Variants in ATP11C observed in about 807,000 individuals in gnomAD.
ATP11C encodes phospholipid-transporting ATPase IG.
A neutral mutation model predicts 97.4 loss-of-function variants in ATP11C; 36 were observed. The ratio of observed to expected loss-of-function variants is 0.37; its 90% CI spans 0.28 to 0.49. The LOEUF is 0.49. Ranked by LOEUF, ATP11C falls within the 20% of genes least tolerant of loss-of-function variation. The probability of loss-of-function intolerance (pLI) is 0.98; values close to 1 mark genes in which losing one functional copy is unlikely to be tolerated. For missense variants in ATP11C, 730 were observed against 824.6 expected, an observed-to-expected ratio of 0.89 and a Z score of 1.40; for synonymous variants, 275 against 290.9, an observed-to-expected ratio of 0.95 and a Z score of 0.56.
chrX:139,784,488 A>T lies in ATP11C; in HGVS notation c.1666+738T>A, dbSNP rs2082532304. On this transcript the variant is annotated intron_variant, in intron 16 of 29. Transcript: ENST00000682941. ...AGTAAAACGTAAATTACTGGGAAAT[A>T]AATCAAAAATTTTTAGAAAACAAAC... 3.6e-5 allele frequency among the ~76,000 whole-genome samples: 4 copies of T among 111,456 alleles called. No individual in the cohort carries two copies. The Admixed American group carries it at 3.8e-4, about 11-fold the overall frequency.
intron 19 of ATP11C, 109 bp downstream of exon 19, chrX:139,774,581 C>A (rs2082313663): frequency 2.9e-6 from 2 of 701,448 alleles, no homozygotes; most frequent in South Asian, 6.2e-5. Flanking sequence ...GGATAAAACA[C>A]CTGCAAACAG....
intron 29 of ATP11C, among the ~76,000 whole-genome samples, chrX:139,730,029 T>A (rs937939454): frequency 4.5e-5 from 5 of 111,889 alleles, no homozygotes; most frequent in African/African-American, 1.6e-4. Flanking sequence ...AGTTAGGTAG[T>A]TTCCTTACCA....
At position 139,869,886 on chromosome X, in the gene ATP11C, CAAAAAAA is replaced by C. The variant is rs59723137; in HGVS notation, c.28-43070_28-43064del. ...GAGATAATAAGTAAAACTAGACTGG[CAAAAAAA>C]AAAAAAAAAAAGGAAATGTGATATA... On this transcript the variant is annotated intron_variant, in intron 1 of 29. Coordinates refer to ENST00000682941, the MANE Select transcript of ATP11C (RefSeq NM_001353812.2). Among the ~76,000 whole-genome samples the C allele has an allele frequency of 1.7e-4, 7 of 42,227 alleles. No individual in the cohort carries two copies. The East Asian group carries it at 3.5e-3, about 21-fold the overall frequency. 36.7% of individuals were successfully genotyped at this position (42,227 alleles called of 115,157 possible).
At chrX:139,832,012 G>T in intron 1 of ATP11C, 1 of 607,560 alleles carries the variant, frequency 1.6e-6, no homozygotes, top group Non-Finnish European at 2.5e-6. Flanking sequence ...CAGTGAGGCT[G>T]AAAATCCAGC....
Position 139,744,115 on chromosome X carries a change from CA to C in ATP11C, c.2965-492del, listed in dbSNP as rs999438832. On this transcript the variant is annotated intron_variant, in intron 25 of 29. Transcript: ENST00000682941. ...ACAAGAGCTATCAGCATGTGCACATCAAAAAAAAAAGCAGATACCATGTATA... is the reference window on the plus strand; with the variant it reads ...ACAAGAGCTATCAGCATGTGCACATCAAAAAAAAAGCAGATACCATGTATA... Among the ~76,000 whole-genome samples, 434 of 100,676 alleles carry C rather than the reference CA, an allele frequency of 4.3e-3. 1 individual carries two copies. The highest frequency in any genetic ancestry group is 0.014 in the African/African-American group (392 of 27,844). 87.4% of individuals were successfully genotyped at this position (100,676 alleles called of 115,157 possible).
At chrX:139,875,489 T>G (rs1024503724) in intron 1 of ATP11C, among the ~76,000 whole-genome samples, 18 of 108,526 alleles carry the variant, frequency 1.7e-4, no homozygotes, top group Admixed American at 6.9e-4. Context: ...TCTTAGCTAC[T>G]CGGAGGCTGA....
upstream of ATP11C, among the ~76,000 whole-genome samples, chrX:139,935,052 T>C (rs937555824): frequency 1.2e-4 from 13 of 112,252 alleles, no homozygotes; most frequent in Non-Finnish European, 2.4e-4. Flanking sequence ...TTTAGACATT[T>C]GGGGATACAA....
intron 1 of ATP11C, among the ~76,000 whole-genome samples, chrX:139,844,825 T>TC (rs2083887036): frequency 9.0e-6 from 1 of 111,575 alleles, no homozygotes; most frequent in Non-Finnish European, 1.9e-5. Context: ...CTATCTCAGT[T>TC]CCCCCTCTCT....
intron 1 of ATP11C, among the ~76,000 whole-genome samples, chrX:139,906,878 T>C (rs35459714): frequency 1.8e-5 from 2 of 111,232 alleles, no homozygotes; most frequent in Non-Finnish European, 3.8e-5. Context: ...AATGGTGTCT[T>C]TCCACGCTAA....
intron 1 of ATP11C, among the ~76,000 whole-genome samples, chrX:139,850,336 C>T (rs2083970356): frequency 9.0e-6 from 1 of 111,299 alleles, no homozygotes; most frequent in East Asian, 2.8e-4. Flanking sequence ...TTGGTATAAA[C>T]ATGGACATAA....
At chrX:139,820,503 T>C (rs1394665886) in intron 2 of ATP11C, among the ~76,000 whole-genome samples, 1 of 111,375 alleles carries the variant, frequency 9.0e-6, no homozygotes, top group East Asian at 2.8e-4. Context: ...TTGATGATCA[T>C]AACAGATACC....
intron 1 of ATP11C, among the ~76,000 whole-genome samples, chrX:139,855,436 G>C (rs1398259024): frequency 9.0e-6 from 1 of 111,324 alleles, no homozygotes; most frequent in Non-Finnish European, 1.9e-5. Context: ...GAAAACTCGA[G>C]CCAGCCTGGG....
chrX:139,889,727 T>C (rs751230636), intron 1 of ATP11C, among the ~76,000 whole-genome samples: 2 of 112,209 alleles, frequency 1.8e-5, no homozygotes, highest in South Asian at 7.5e-4. Context: ...CAGGAAGATA[T>C]GCAGGGCAGA....
rs746182778 is a variant in ATP11C, at chrX:139,802,279, G to C, written c.616C>G (p.Arg206Gly). 7.0e-5 allele frequency: 84 copies of C among 1,206,978 alleles called. 1 individual carries two copies. In the Admixed American group the frequency reaches 1.7e-3, roughly 25 times the overall value. ...LCTAESIDTLRAAIECEQPQP... is the reference protein window; with the variant it reads ...LCTAESIDTLGAAIECEQPQP... ...GGCTGTTCACATTCAATTGCTGCTC[G>C]GAGGGTATCGATGGATTCTGCTGTA... Residue 206 changes from arginine (R) to glycine (G), a missense_variant, in exon 7 of 30, where the codon CGA becomes GGA. Coordinates refer to ENST00000682941, the MANE Select transcript of ATP11C (RefSeq NM_001353812.2).
intron 1 of ATP11C, among the ~76,000 whole-genome samples, chrX:139,853,856 A>AAT (rs2084045040): frequency 9.2e-6 from 1 of 108,984 alleles, no homozygotes; most frequent in Non-Finnish European, 1.9e-5. Context: ...AAAAAAAAAA[A>AAT]AAAAGGTAGC....
At chrX:139,857,266 A>AAC (rs1422732963) in intron 1 of ATP11C, among the ~76,000 whole-genome samples, 1 of 111,624 alleles carries the variant, frequency 9.0e-6, no homozygotes. Context: ...CAAGCAAAAC[A>AAC]ACTAAGCTAA....
At chrX:139,782,170 C>CA (rs2082473778) in intron 18 of ATP11C, among the ~76,000 whole-genome samples, 1 of 108,504 alleles carries the variant, frequency 9.2e-6, no homozygotes, top group Non-Finnish European at 1.9e-5. Flanking sequence ...ACTAAAAATA[C>CA]AAAAAAATTA....
chrX:139,910,303 T>G (rs745562134), intron 1 of ATP11C, among the ~76,000 whole-genome samples: 2 of 111,182 alleles, frequency 1.8e-5, no homozygotes, highest in South Asian at 7.6e-4. Flanking sequence ...ATATCCATAT[T>G]AAAAGGAGAT....
intron 1 of ATP11C, among the ~76,000 whole-genome samples, chrX:139,877,891 C>A (rs1291236156): frequency 9.0e-6 from 1 of 110,874 alleles, no homozygotes; most frequent in Admixed American, 9.6e-5. Context: ...GGCGTGGTGG[C>A]ACGTGCCTGT....
Sources: allele counts gnomAD v4.1 joint callset (sites outside exome capture counted in the v4.1 genomes callset), GRCh38; gene constraint gnomAD v4.1.1; transcripts MANE v1.5; gene names NCBI Gene and HGNC (gene_info 2026-07-23, HGNC 2026-07-21).